Variants in GOLGA3 observed in about 807,000 individuals in gnomAD.
GOLGA3 encodes the protein golgin subfamily A member 3.
A neutral mutation model predicts 169.4 loss-of-function variants in GOLGA3; 75 were observed. That is an observed-to-expected ratio of 0.44 (90% CI 0.37 to 0.54). The LOEUF (loss-of-function observed/expected upper bound fraction) is 0.54, where lower values mean the gene tolerates loss of function less well. Ranked by LOEUF, GOLGA3 falls within the 20% of genes least tolerant of loss-of-function variation. GOLGA3 has a pLI of 0.00. For missense variants in GOLGA3, 1,899 were observed against 1,930.0 expected, an observed-to-expected ratio of 0.98 and a Z score of 0.30; for synonymous variants, 824 against 822.4, an observed-to-expected ratio of 1.00 and a Z score of -0.03.
chr12:132,820,023 C>CA (rs1950144396), intron 2 of GOLGA3, among the ~76,000 whole-genome samples: 1 of 152,100 alleles, frequency 6.6e-6, no homozygotes, highest in Admixed American at 6.6e-5. Context: ...ACTAAAAATA[C>CA]AAAATTAGCT....
At chr12:132,774,797 C>G (rs1391236793) in intron 22 of GOLGA3, 3 of 467,084 alleles carry the variant, frequency 6.4e-6, no homozygotes, top group African/African-American at 4.0e-5. Flanking sequence ...GGATGTGGAC[C>G]GAGCACAGAA....
At position 132,770,761 on chromosome 12, in the gene GOLGA3, A is replaced by G. The variant is rs1220455228; in HGVS notation, c.*2344T>C. 1.3e-5 allele frequency: 2 copies of G among 152,180 alleles called. No individual in the cohort carries two copies. The highest frequency in any genetic ancestry group is 1.5e-5 in the Non-Finnish European group (1 of 68,066). 9.4% of individuals were successfully genotyped at this position (152,180 alleles called of 1,614,324 possible). On this transcript the variant is annotated 3_prime_UTR_variant, in exon 24 of 24. Coordinates refer to ENST00000450791, the MANE Select transcript of GOLGA3 (RefSeq NM_001389683.1). ...GTGATTCTCCTGCCTCAGCCTCCCA[A>G]GTAGCTGGGATTATAGGTGCGCACT...
At chr12:132,797,661 A>C (rs1337611679) in intron 9 of GOLGA3, among the ~76,000 whole-genome samples, 13 of 152,206 alleles carry the variant, frequency 8.5e-5, no homozygotes, top group African/African-American at 3.1e-4. Flanking sequence ...GCAGTGAGCC[A>C]AGATCGCACC....
At chr12:132,796,323 G>A (rs1948835150) in intron 10 of GOLGA3, 103 bp from the exon 11 acceptor site, 1 of 1,389,738 alleles carries the variant, frequency 7.2e-7, no homozygotes, top group Non-Finnish European at 9.6e-7. Flanking sequence ...ACACTATGGA[G>A]GGTCTTTTTT....
chr12:132,825,936 A>T, intron 1 of GOLGA3: 1 of 951,410 alleles, frequency 1.1e-6, no homozygotes. Flanking sequence ...GTGGTGACCA[A>T]GATGAAGACG....
In GOLGA3 at chr12:132,780,830, CCTT is replaced by C; in HGVS notation, c.3547_3549del (p.Lys1183del). 1 of 1,611,904 alleles carries C rather than the reference CCTT, an allele frequency of 6.2e-7. No individual in the cohort carries two copies. Among genetic ancestry groups the C allele is most frequent in the Non-Finnish European group, 8.5e-7 (1 of 1,179,742 alleles). On this transcript the variant is annotated inframe_deletion, in exon 18 of 24. Transcript: ENST00000450791. ...TTGAGGCTGTTCACCTTCTCCTTCT[CCTT>C]CTCTAGTGAGGCCTGCAGGGCCTGG...
intron 8 of GOLGA3, among the ~76,000 whole-genome samples, chr12:132,799,802 G>T (rs115297712): frequency 6.6e-6 from 1 of 151,846 alleles, no homozygotes; most frequent in Admixed American, 6.6e-5. Flanking sequence ...GTGCAGCAGC[G>T]CAATCTTGGC....
At chr12:132,805,288 A>G (rs866141080) in intron 6 of GOLGA3, among the ~76,000 whole-genome samples, 5 of 107,128 alleles carry the variant, frequency 4.7e-5, no homozygotes, top group Non-Finnish European at 7.6e-5. Context: ...GGCCTGACAG[A>G]GGACCCTGCC....
chr12:132,796,594 T>C lies in GOLGA3; in HGVS notation c.2045A>G (p.Glu682Gly). 2.5e-6 allele frequency: 4 copies of C among 1,613,920 alleles called. No individual in the cohort carries two copies. Among genetic ancestry groups the C allele is most frequent in the African/African-American group, 2.7e-5 (2 of 75,060 alleles). ...RRLEEFEGER[E>G]RLQRMADSAA... Reference sequence around the variant, plus strand: ...CGAGTCCGCCATCCTCTGCAGCCGCTCCCTCTCACCTTCAAACTCTTCCAG... The same window carrying C: ...CGAGTCCGCCATCCTCTGCAGCCGCCCCCTCTCACCTTCAAACTCTTCCAG... The change falls in exon 10 of 24, where the codon GAG becomes GGG. Residue 682 changes from glutamate to glycine, a missense_variant. Transcript: ENST00000450791.
In GOLGA3 at chr12:132,822,135, G is replaced by A. The variant is rs774106281; in HGVS notation, c.-7C>T. ...CGGCCGACGCGCCGTCCATGGTCAG[G>A]ACGACACCAGCTGAGCTGACGCTGA... On this transcript the variant is annotated 5_prime_UTR_variant, in exon 2 of 24. Coordinates refer to ENST00000450791, the MANE Select transcript of GOLGA3 (RefSeq NM_001389683.1). The A allele has an allele frequency of 8.4e-5, 134 of 1,599,052 alleles. No homozygotes were observed. The highest frequency in any genetic ancestry group is 1.1e-4 in the Non-Finnish European group (126 of 1,174,336).
At chr12:132,784,746 TGCTCACACCCCAC>T (rs2045804864) in intron 15 of GOLGA3, among the ~76,000 whole-genome samples, 1 of 145,494 alleles carries the variant, frequency 6.9e-6, no homozygotes, top group Non-Finnish European at 1.5e-5. Flanking sequence ...CACACGCACA[TGCTCACACCCCAC>T]GTGTTCACAC....
Position 132,786,413 on chromosome 12 carries a change from T to C in GOLGA3, c.3049A>G (p.Lys1017Glu). 2 of 1,613,184 alleles carry C rather than the reference T, an allele frequency of 1.2e-6. No individual in the cohort carries two copies. The highest frequency in any genetic ancestry group is 1.7e-6 in the Non-Finnish European group (2 of 1,179,750). ...SRRLQEALAA[K>E]EAADAELGQL... ...CCCAGCTCCGCGTCCGCAGCCTCCT[T>C]GGCCGCGAGGGCCTCCTGCAGGCGG... is the stretch of plus-strand genomic sequence containing the variant. The change falls in exon 15 of 24, where the codon AAG becomes GAG. Residue 1017 changes from lysine to glutamate, a missense_variant. By Grantham distance (56) the Lys-to-Glu change is moderately conservative. Transcript: ENST00000450791.
chr12:132,794,207 G>A (rs1466001049), intron 11 of GOLGA3, among the ~76,000 whole-genome samples: 2 of 152,088 alleles, frequency 1.3e-5, no homozygotes, highest in African/African-American at 2.4e-5. Flanking sequence ...GCTGTGTCTA[G>A]ATGCCTAGGG....
intron 1 of GOLGA3, among the ~76,000 whole-genome samples, chr12:132,824,587 A>T (rs929281815): frequency 6.6e-6 from 1 of 152,218 alleles, no homozygotes; most frequent in African/African-American, 2.4e-5. Context: ...AAAAATATTT[A>T]AAGATTAAAG....
intron 1 of GOLGA3, among the ~76,000 whole-genome samples, chr12:132,827,030 G>C (rs780639602): frequency 2.0e-5 from 3 of 152,172 alleles, no homozygotes; most frequent in Non-Finnish European, 2.9e-5. Context: ...ACAACCCTAG[G>C]TTCACAGCTG....
Position 132,773,307 on chromosome 12 carries a change from A to C in GOLGA3, c.4308-13T>G. 1 of 1,333,744 alleles carries C rather than the reference A, an allele frequency of 7.5e-7. No homozygotes were observed. Among genetic ancestry groups the C allele is most frequent in the Non-Finnish European group, 9.8e-7 (1 of 1,018,990 alleles). 82.6% of individuals were successfully genotyped at this position (1,333,744 alleles called of 1,614,324 possible). On this transcript the variant is annotated splice_polypyrimidine_tract_variant and intron_variant, in intron 23 of 23. Transcript: ENST00000450791. ...GTCCATCTCCTGCCTGGGACAGAAG[A>C]AGGAGGAAGAAGGCCCAGATCACAC...
At chr12:132,792,803 C>G (rs113627252) in intron 11 of GOLGA3, among the ~76,000 whole-genome samples, 12 of 120,442 alleles carry the variant, frequency 1.0e-4, no homozygotes, top group East Asian at 5.3e-4. Context: ...CACACGGACC[C>G]ACCCCACGGG....
chr12:132,800,413 G>C (rs1949075025), intron 8 of GOLGA3, among the ~76,000 whole-genome samples: 1 of 152,032 alleles, frequency 6.6e-6, no homozygotes, highest in South Asian at 2.1e-4. Flanking sequence ...AGAATCACTT[G>C]AACCCAGGAG....
At chr12:132,775,566 T>C (rs1487603792) in intron 21 of GOLGA3, among the ~76,000 whole-genome samples, 2 of 152,228 alleles carry the variant, frequency 1.3e-5, no homozygotes, top group East Asian at 1.9e-4. Context: ...ATCATGTTGA[T>C]GCTCAGAAAG....
Sources: allele counts gnomAD v4.1 joint callset (sites outside exome capture counted in the v4.1 genomes callset), GRCh38; gene constraint gnomAD v4.1.1; transcripts MANE v1.5; gene names NCBI Gene and HGNC (gene_info 2026-07-23, HGNC 2026-07-21).